Variants in SGCZ observed in about 807,000 individuals in gnomAD.
The protein encoded by SGCZ is sarcoglycan zeta, also known as zeta-sarcoglycan.
In SGCZ, 40 loss-of-function variants were observed where a neutral mutation model predicts 41.3. The ratio of observed to expected loss-of-function variants is 0.97; its 90% CI spans 0.75 to 1.26. SGCZ has a LOEUF of 1.26. Ranked by LOEUF, SGCZ falls within the 50% of genes most tolerant of loss-of-function variation. SGCZ has a pLI of 0.00. For missense variants in SGCZ, 552 were observed against 369.8 expected, an observed-to-expected ratio of 1.49 and a Z score of -4.04; for synonymous variants, 206 against 137.5, an observed-to-expected ratio of 1.50 and a Z score of -3.49.
intron 1 of SGCZ, among the ~76,000 whole-genome samples, chr8:14,941,491 A>T (rs1321871764): frequency 6.6e-6 from 1 of 152,148 alleles, no homozygotes; most frequent in Non-Finnish European, 1.5e-5. Flanking sequence ...TAACATGGAT[A>T]GTATGTTTAT....
At chr8:14,841,907 T>C (rs2130629001) in intron 1 of SGCZ, among the ~76,000 whole-genome samples, 1 of 152,284 alleles carries the variant, frequency 6.6e-6, no homozygotes, top group East Asian at 1.9e-4. Context: ...TGCAGCCCTG[T>C]GCTCTTCACA....
intron 1 of SGCZ, among the ~76,000 whole-genome samples, chr8:14,595,969 T>A (rs1312411121): frequency 6.6e-6 from 1 of 152,148 alleles, no homozygotes; most frequent in East Asian, 1.9e-4. Context: ...GGAAAATGCA[T>A]GTTTAAGAAG....
intron 3 of SGCZ, among the ~76,000 whole-genome samples, chr8:14,285,114 A>T (rs1479926530): frequency 6.6e-6 from 1 of 152,104 alleles, no homozygotes; most frequent in Non-Finnish European, 1.5e-5. Flanking sequence ...GCCTTATTAA[A>T]TCTCAACTTT....
chr8:15,209,081 A>G (rs1801160692), intron 1 of SGCZ, among the ~76,000 whole-genome samples: 1 of 144,574 alleles, frequency 6.9e-6, no homozygotes, highest in Non-Finnish European at 1.5e-5. Flanking sequence ...CTTCACAGTC[A>G]CTCATAACTT....
At chr8:14,871,332 C>A (rs1338989240) in intron 1 of SGCZ, among the ~76,000 whole-genome samples, 2 of 152,114 alleles carry the variant, frequency 1.3e-5, no homozygotes, top group African/African-American at 4.8e-5. Context: ...TTTTGTGACT[C>A]CTCAAGGATC....
chr8:15,157,163 T>G (rs1207462016), intron 1 of SGCZ, among the ~76,000 whole-genome samples: 1 of 152,088 alleles, frequency 6.6e-6, no homozygotes, highest in East Asian at 1.9e-4. Context: ...GGCCCAATAT[T>G]ACATACATAG....
chr8:14,612,768 C>A (rs1390955742), intron 1 of SGCZ, among the ~76,000 whole-genome samples: 2 of 152,088 alleles, frequency 1.3e-5, no homozygotes, highest in African/African-American at 2.4e-5. Flanking sequence ...CTCATTGCAA[C>A]CTCCACCTCC....
At chr8:14,607,969 A>G (rs4623425) in intron 1 of SGCZ, among the ~76,000 whole-genome samples, 55,744 of 152,092 alleles carry the variant, frequency 0.37, 10,451 homozygotes, top group East Asian at 0.62. Flanking sequence ...AAAACCAGCT[A>G]TTTGAAAGTT....
chr8:14,341,928 G>A (rs546019669), intron 2 of SGCZ, among the ~76,000 whole-genome samples: 1 of 152,252 alleles, frequency 6.6e-6, no homozygotes, highest in African/African-American at 2.4e-5. Flanking sequence ...TCAGCAGTGT[G>A]AAAACAGAAT....
intron 1 of SGCZ, among the ~76,000 whole-genome samples, chr8:14,903,710 GTT>G (rs1471693486): frequency 6.6e-6 from 1 of 151,998 alleles, no homozygotes; most frequent in Non-Finnish European, 1.5e-5. Context: ...TTATTGTGTA[GTT>G]TTTAAGAGCA....
At chr8:14,457,641 T>A (rs1042584091) in intron 2 of SGCZ, among the ~76,000 whole-genome samples, 1 of 152,188 alleles carries the variant, frequency 6.6e-6, no homozygotes, top group Non-Finnish European at 1.5e-5. Flanking sequence ...AGTAGTAAAT[T>A]AGTGAAAATA....
In SGCZ at chr8:14,963,335, CTTCT is replaced by C. The variant is rs1214354244; in HGVS notation, c.39+274246_39+274249del. 4.3e-5 allele frequency among the ~76,000 whole-genome samples: 5 copies of C among 117,172 alleles called. No individual in the cohort carries two copies. In the South Asian group the frequency reaches 1.4e-3, roughly 32 times the overall value. The allele number at this position is 117,172 out of a possible 152,430, so 76.9% of individuals were successfully genotyped here. On this transcript the variant is annotated intron_variant, in intron 1 of 7. Transcript: ENST00000382080. ...TGAGGTATAAATTCATTTTCTTTTT[CTTCT>C]TTTTTTTTTTTTGTTTGGAGACAGA...
At chr8:14,531,445 TTG>T (rs1803127767) in intron 2 of SGCZ, among the ~76,000 whole-genome samples, 1 of 151,926 alleles carries the variant, frequency 6.6e-6, no homozygotes, top group African/African-American at 2.4e-5. Context: ...TCCCTCCCGC[TTG>T]CTGAGCTACC....
intron 1 of SGCZ, among the ~76,000 whole-genome samples, chr8:14,973,447 C>T (rs914838854): frequency 1.3e-5 from 2 of 152,180 alleles, no homozygotes; most frequent in African/African-American, 4.8e-5. Context: ...ATGTCCTACT[C>T]AGTACTGCTC....
chr8:14,347,676 T>A (rs905892230), intron 2 of SGCZ, among the ~76,000 whole-genome samples: 1 of 151,798 alleles, frequency 6.6e-6, no homozygotes, highest in Non-Finnish European at 1.5e-5. Context: ...TAAAATTATT[T>A]TCATCAAATT....
At chr8:14,206,601 G>C (rs543439905) in intron 4 of SGCZ, among the ~76,000 whole-genome samples, 1 of 152,274 alleles carries the variant, frequency 6.6e-6, no homozygotes, top group South Asian at 2.1e-4. Context: ...AATTTATGAT[G>C]TGACTTTTAC....
intron 1 of SGCZ, among the ~76,000 whole-genome samples, chr8:14,675,897 G>A (rs997879400): frequency 5.9e-5 from 9 of 152,194 alleles, no homozygotes; most frequent in African/African-American, 1.9e-4. Context: ...TTGGAGACAG[G>A]TTTCAGAGGT....
intron 1 of SGCZ, among the ~76,000 whole-genome samples, chr8:15,003,887 G>A (rs1024362327): frequency 3.3e-5 from 5 of 152,036 alleles, no homozygotes; most frequent in African/African-American, 7.2e-5. Flanking sequence ...AAACCCTACC[G>A]GGGTCAAGTC....
intron 1 of SGCZ, among the ~76,000 whole-genome samples, chr8:15,236,242 T>C (rs1563200142): frequency 1.3e-5 from 2 of 152,166 alleles, no homozygotes; most frequent in Non-Finnish European, 2.9e-5. Flanking sequence ...TCTCTGTCCC[T>C]CCTTCCTTCC....
Sources: gnomAD v4.1 joint callset for allele counts (sites outside exome capture counted in the v4.1 genomes callset) on GRCh38, gnomAD v4.1.1 for gene constraint, MANE v1.5 for transcripts, NCBI Gene and HGNC (gene_info 2026-07-23, HGNC 2026-07-21) for gene names.